TCF12: variants seen among roughly 807,000 people sequenced by gnomAD.
TCF12 encodes DNA-binding protein HTF4.
Under a neutral mutation model 86.0 loss-of-function variants are expected in TCF12, and 45 were observed. The ratio of observed to expected loss-of-function variants is 0.52; its 90% confidence interval spans 0.41 to 0.67. The LOEUF is 0.67. TCF12 is among the 30% of genes least tolerant of loss of function. TCF12 has a pLI of 0.00. For synonymous variants in TCF12, 330 were observed against 299.6 expected (o/e 1.10, Z -1.05); for missense variants, 881 against 859.9 (o/e 1.02, Z -0.31).
intron 5 of TCF12, among the ~76,000 whole-genome samples, chr15:57,121,526 G>A (rs1332014608): frequency 2.0e-5 from 3 of 152,144 alleles, no homozygotes; most frequent in African/African-American, 7.2e-5. Context: ...AGTGGCTCAA[G>A]GTCGAAAGGC....
chr15:57,025,998 A>C lies in TCF12; in HGVS notation c.149-37752A>C, dbSNP rs570292063. The stretch of plus-strand genomic sequence containing the variant: ...TAAAAAACTGGGAATGGGAAGACTG[A>C]GAATGTACAGGAATAATACTCTCCA... On this transcript the variant is annotated intron_variant, in intron 3 of 20. Transcript: ENST00000333725. Among the ~76,000 whole-genome samples, 4 of 152,380 alleles carry C rather than the reference A, an allele frequency of 2.6e-5. No individual in the cohort carries two copies. The East Asian group carries it at 7.7e-4, about 29-fold the overall frequency.
intron 18 of TCF12, among the ~76,000 whole-genome samples, chr15:57,271,331 A>G (rs2061132655): frequency 1.3e-5 from 2 of 152,214 alleles, no homozygotes; most frequent in African/African-American, 4.8e-5. Context: ...TAGGCATCCC[A>G]GGTCGATCTC....
chr15:57,223,657 T>TGTTTTTTTTTTG (rs2058725534), intron 8 of TCF12, among the ~76,000 whole-genome samples: 2 of 135,058 alleles, frequency 1.5e-5, no homozygotes, highest in African/African-American at 5.1e-5. Context: ...TTTTTTTTTT[T>TGTTTTTTTTTTG]TTTTTTTTTT....
intron 6 of TCF12, among the ~76,000 whole-genome samples, chr15:57,173,584 T>C (rs1003692301): frequency 6.6e-6 from 1 of 152,102 alleles, no homozygotes; most frequent in Non-Finnish European, 1.5e-5. Flanking sequence ...CATATATACA[T>C]TAAGAATATA....
At chr15:57,213,739 G>T (rs1469301173) in intron 8 of TCF12, among the ~76,000 whole-genome samples, 1 of 152,156 alleles carries the variant, frequency 6.6e-6, no homozygotes, top group Non-Finnish European at 1.5e-5. Context: ...TTCTTTAAGA[G>T]ACAGCTAATT....
intron 4 of TCF12, among the ~76,000 whole-genome samples, chr15:57,075,792 T>TC (rs1567370227): frequency 8.5e-5 from 3 of 35,154 alleles, no homozygotes; most frequent in African/African-American, 3.1e-4. Flanking sequence ...CTTTCTTTCT[T>TC]TCTTTCTTTC....
At chr15:57,206,531 A>G (rs1566914701) in intron 8 of TCF12, among the ~76,000 whole-genome samples, 2 of 149,088 alleles carry the variant, frequency 1.3e-5, no homozygotes, top group Non-Finnish European at 3.0e-5. Context: ...AAAATTAAAT[A>G]CTTCTTAGTC....
At chr15:57,074,898 G>C (rs1377198678) in intron 4 of TCF12, among the ~76,000 whole-genome samples, 1 of 152,150 alleles carries the variant, frequency 6.6e-6, no homozygotes, top group Non-Finnish European at 1.5e-5. Context: ...AGCTTATATA[G>C]GCCAAAGGAT....
At chr15:57,188,891 G>A (rs115247235) in intron 6 of TCF12, among the ~76,000 whole-genome samples, 2,013 of 152,302 alleles carry the variant, frequency 0.013, 51 homozygotes, top group African/African-American at 0.042. Context: ...AGGCGCCAGC[G>A]ATCTTCCCAC....
intron 5 of TCF12, among the ~76,000 whole-genome samples, chr15:57,104,969 G>T (rs996111469): frequency 6.8e-6 from 1 of 148,062 alleles, no homozygotes; most frequent in African/African-American, 2.5e-5. Flanking sequence ...TGCCTCCCGG[G>T]TTCAAGCAAT....
At chr15:57,151,041 C>T (rs939823824) in intron 5 of TCF12, among the ~76,000 whole-genome samples, 3 of 151,222 alleles carry the variant, frequency 2.0e-5, no homozygotes, top group Admixed American at 6.6e-5. Flanking sequence ...TGCAGTGGAG[C>T]GATCATAGCT....
intron 5 of TCF12, among the ~76,000 whole-genome samples, chr15:57,128,582 A>G (rs2151329405): frequency 6.6e-6 from 1 of 152,320 alleles, no homozygotes. Flanking sequence ...TTTAAAGTAT[A>G]CAATTCAAGG....
intron 12 of TCF12, among the ~76,000 whole-genome samples, chr15:57,240,879 C>CAAAAAAAAAAA (rs68154303): frequency 2.7e-4 from 18 of 65,684 alleles, no homozygotes; most frequent in African/African-American, 8.1e-4. Context: ...GACCCTGTCT[C>CAAAAAAAAAAA]AAAAAAAAAA....
chr15:57,151,855 C>T (rs1250103589), intron 5 of TCF12, among the ~76,000 whole-genome samples: 1 of 152,006 alleles, frequency 6.6e-6, no homozygotes, highest in African/African-American at 2.4e-5. Flanking sequence ...TCTGTAAGTA[C>T]TGAGGCTGAA....
At chr15:57,276,795 T>C (rs2061416128) in intron 19 of TCF12, among the ~76,000 whole-genome samples, 1 of 144,764 alleles carries the variant, frequency 6.9e-6, no homozygotes, top group Non-Finnish European at 1.5e-5. Context: ...CTTTTTTTTT[T>C]CTTTTTTTTT....
intron 3 of TCF12, among the ~76,000 whole-genome samples, chr15:56,962,132 C>CAAAAAAAAA (rs397853683): frequency 1.6e-5 from 1 of 63,018 alleles, no homozygotes; most frequent in Non-Finnish European, 3.6e-5. Context: ...GACTCCGTCT[C>CAAAAAAAAA]AAAAAAAAAA....
chr15:57,194,742 G>A (rs569932401), intron 7 of TCF12, among the ~76,000 whole-genome samples: 112 of 152,136 alleles, frequency 7.4e-4, no homozygotes, highest in African/African-American at 2.5e-3. Context: ...CGTCTTTCAC[G>A]TATTATCACA....
At position 56,928,850 on chromosome 15, in the gene TCF12, C is replaced by G. The variant is rs2060126764; in HGVS notation, c.148+7752C>G. On this transcript the variant is annotated intron_variant, in intron 3 of 20. Transcript: ENST00000333725. Reference sequence around the variant, plus strand: ...ATTAAGTAAAATAAAAATTACTTGACTGGAAAGGATAGAACGCCTGGGAAC... The same window carrying G: ...ATTAAGTAAAATAAAAATTACTTGAGTGGAAAGGATAGAACGCCTGGGAAC... 2.0e-5 allele frequency among the ~76,000 whole-genome samples: 3 copies of G among 152,026 alleles called. No individual in the cohort carries two copies. In the South Asian group the frequency reaches 6.2e-4, roughly 31 times the overall value.
intron 3 of TCF12, among the ~76,000 whole-genome samples, chr15:56,944,754 C>T (rs1048804190): frequency 2.0e-5 from 3 of 152,072 alleles, no homozygotes; most frequent in East Asian, 1.9e-4. Context: ...CACTGAGTAA[C>T]ATTAACTGCA....
Sources: gnomAD v4.1 joint callset for allele counts (sites outside exome capture counted in the v4.1 genomes callset) on GRCh38, gnomAD v4.1.1 for gene constraint, MANE v1.5 for transcripts, NCBI Gene and HGNC (gene_info 2026-07-23, HGNC 2026-07-21) for gene names.